Variants in NXN observed in about 807,000 individuals in gnomAD.
NXN encodes the protein nucleoredoxin.
A neutral mutation model predicts 48.6 loss-of-function variants in NXN; 16 were observed. That is an observed-to-expected ratio of 0.33 (90% CI 0.22 to 0.50). The LOEUF (loss-of-function observed/expected upper bound fraction) is 0.50, where lower values mean the gene tolerates loss of function less well. NXN is among the 20% of genes least tolerant of loss of function. NXN has a pLI of 0.98. For synonymous variants in NXN, 281 were observed against 269.6 expected (o/e 1.04, Z -0.41); for missense variants, 492 against 605.5 (o/e 0.81, Z 1.97).
chr17:843,110 C>T (rs1462073633), intron 1 of NXN, among the ~76,000 whole-genome samples: 6 of 152,102 alleles, frequency 3.9e-5, no homozygotes, highest in African/African-American at 1.4e-4. Flanking sequence ...CAATGAACAA[C>T]AACAAATAAC....
intron 1 of NXN, among the ~76,000 whole-genome samples, chr17:911,422 C>T (rs2068635556): frequency 6.8e-6 from 1 of 146,348 alleles, no homozygotes; most frequent in South Asian, 2.1e-4. Flanking sequence ...TTGCTGCAAG[C>T]TCCGCCTCCC....
rs532799062 is a variant in NXN at position 961,371 on chromosome 17, T to A, written c.360+17948A>T. 9.7e-4 allele frequency among the ~76,000 whole-genome samples: 144 copies of A among 149,186 alleles called. 2 individuals carry two copies. The East Asian group carries it at 0.02, about 21-fold the overall frequency. ...TTGCACTCCAGCCTGGGCGACAGAGTGAGACTCCGTCTCAAGAAAAAAAAA... is the reference window on the plus strand; with the variant it reads ...TTGCACTCCAGCCTGGGCGACAGAGAGAGACTCCGTCTCAAGAAAAAAAAA... On this transcript the variant is annotated intron_variant, in intron 1 of 7. Transcript: ENST00000336868.
At chr17:811,513 G>A (rs970629111) in intron 5 of NXN, among the ~76,000 whole-genome samples, 28 of 152,200 alleles carry the variant, frequency 1.8e-4, no homozygotes, top group Admixed American at 1.1e-3. Context: ...CGGGGTTGGG[G>A]GGGGGGCAGC....
rs1040266534 is a variant in NXN at position 920,634 on chromosome 17, C to T, written c.360+58685G>A. Among the ~76,000 whole-genome samples, 3 of 152,114 alleles carry T rather than the reference C, an allele frequency of 2.0e-5. No individual in the cohort carries two copies. Among genetic ancestry groups the T allele is most frequent in the Non-Finnish European group, 2.9e-5 (2 of 68,020 alleles). ...ATCAACTGTACCCTCACTGGCAGCA[C>T]CCAGGACGTTCTCAATGAGGTCTTC... On this transcript the variant is annotated intron_variant, in intron 1 of 7. Transcript: ENST00000336868. This position sits in a 1 kb window ranked among gnomAD's most constrained non-coding sequence, Gnocchi z 4.6.
chr17:970,260 C>A (rs757837213), intron 1 of NXN, among the ~76,000 whole-genome samples: 1 of 152,044 alleles, frequency 6.6e-6, no homozygotes, highest in Admixed American at 6.6e-5. Context: ...GAAGTTGGAA[C>A]GGCAGTTTCT....
chr17:979,281 G>GGGGGCGGGCAGGGGTAACGGGCGTGA (rs1386627254), intron 1 of NXN, 38 bp downstream of exon 1: 2 of 1,420,196 alleles, frequency 1.4e-6, no homozygotes, highest in Non-Finnish European at 1.9e-6. Flanking sequence ...AACGGGCGTG[G>GGGGGCGGGCAGGGGTAACGGGCGTGA]GGGGCGGGCA....
intron 1 of NXN, among the ~76,000 whole-genome samples, chr17:931,168 G>T (rs56272814): frequency 0.28 from 41,680 of 151,382 alleles, 6,772 homozygotes; most frequent in East Asian, 0.43. Flanking sequence ...ACGCCTGTAG[G>T]CCCAACGACA....
At chr17:967,663 C>G (rs1195085976) in intron 1 of NXN, among the ~76,000 whole-genome samples, 1 of 152,218 alleles carries the variant, frequency 6.6e-6, no homozygotes, top group East Asian at 1.9e-4. Context: ...TTAAGGGATA[C>G]AGCTACCAAA....
chr17:915,334 C>T (rs774658626), intron 1 of NXN, among the ~76,000 whole-genome samples: 22 of 152,022 alleles, frequency 1.4e-4, no homozygotes, highest in Non-Finnish European at 2.4e-4. Context: ...CACTCTGTCG[C>T]CCAGGCTGGA....
chr17:862,326 G>A (rs370743634), intron 1 of NXN, among the ~76,000 whole-genome samples: 15 of 152,152 alleles, frequency 9.9e-5, no homozygotes, highest in South Asian at 4.1e-4. Flanking sequence ...GATCAGCTTC[G>A]GCAACATAGT....
In NXN at chr17:849,299, G is replaced by A. The variant is rs190246935; in HGVS notation, c.361-23221C>T. On this transcript the variant is annotated intron_variant, in intron 1 of 7. Transcript: ENST00000336868. This position sits in a 1 kb window ranked among gnomAD's most constrained non-coding sequence, Gnocchi z 4.2. Reference sequence around the variant, plus strand: ...TGTAATCCCAGCACTTTGGGAGGCCGAGACAGGTGGGTCACCTGAGGTCAG... The same window carrying A: ...TGTAATCCCAGCACTTTGGGAGGCCAAGACAGGTGGGTCACCTGAGGTCAG... 1.6e-3 allele frequency among the ~76,000 whole-genome samples: 241 copies of A among 152,318 alleles called. 1 individual carries two copies. The highest frequency in any genetic ancestry group is 5.6e-3 in the African/African-American group (233 of 41,574).
intron 1 of NXN, among the ~76,000 whole-genome samples, chr17:972,472 GA>G (rs940661677): frequency 1.3e-5 from 2 of 151,232 alleles, no homozygotes; most frequent in African/African-American, 4.9e-5. Flanking sequence ...GACTCCATCT[GA>G]AAAAAAAGAA....
intron 1 of NXN, among the ~76,000 whole-genome samples, chr17:975,926 CA>C (rs1453629336): frequency 6.6e-6 from 1 of 152,190 alleles, no homozygotes; most frequent in African/African-American, 2.4e-5. Flanking sequence ...AATCATCTAC[CA>C]ACCTACTTAT....
rs55898033 is a variant in NXN at position 849,447 on chromosome 17, T to C, written c.361-23369A>G. ...ACTCAGGAGGCTGAGGCAGAAGAATTGCTTGAACCTGGGAGGCGGAGGTTG... is the reference window on the plus strand; with the variant it reads ...ACTCAGGAGGCTGAGGCAGAAGAATCGCTTGAACCTGGGAGGCGGAGGTTG... On this transcript the variant is annotated intron_variant, in intron 1 of 7. Transcript: ENST00000336868. This position sits in a 1 kb window ranked among gnomAD's most constrained non-coding sequence, Gnocchi z 4.2. Among the ~76,000 whole-genome samples the C allele has an allele frequency of 0.27, 40,831 of 151,746 alleles. 5,951 individuals are homozygous for C. The highest frequency in any genetic ancestry group is 0.38 in the African/African-American group (15,557 of 41,338).
intron 1 of NXN, chr17:880,185 CCCCGGAGACAACACCCA>C (rs2068268131): frequency 6.6e-6 from 1 of 152,134 alleles, no homozygotes; most frequent in Admixed American, 6.5e-5. Context: ...TGATCCTGGT[CCCCGGAGACAACACCCA>C]CCCTTGGGCG....
At chr17:915,445 A>G (rs1416810245) in intron 1 of NXN, among the ~76,000 whole-genome samples, 2 of 151,896 alleles carry the variant, frequency 1.3e-5, no homozygotes. Flanking sequence ...CATCACACCC[A>G]GCTAATTTTT....
chr17:889,809 G>A (rs572075815), intron 1 of NXN, among the ~76,000 whole-genome samples: 3 of 152,334 alleles, frequency 2.0e-5, no homozygotes, highest in Non-Finnish European at 4.4e-5. Context: ...CAGATTAATT[G>A]TTGGCTGTTG....
intron 1 of NXN, among the ~76,000 whole-genome samples, chr17:879,533 C>T (rs1030604211): frequency 6.6e-6 from 1 of 151,888 alleles, no homozygotes; most frequent in Non-Finnish European, 1.5e-5. Context: ...ATGATCCACC[C>T]GCCTCGGCCT....
intron 1 of NXN, among the ~76,000 whole-genome samples, chr17:867,273 G>A (rs1025745945): frequency 5.7e-5 from 3 of 53,012 alleles, no homozygotes; most frequent in African/African-American, 8.8e-5. Flanking sequence ...GCAAGTTCTC[G>A]GGGTTCTCCG....
Sources: gnomAD v4.1 joint callset for allele counts (sites outside exome capture counted in the v4.1 genomes callset) on GRCh38, gnomAD v4.1.1 for gene constraint, Gnocchi (gnomAD v3.1) non-coding constraint, MANE v1.5 for transcripts, NCBI Gene and HGNC (gene_info 2026-07-23, HGNC 2026-07-21) for gene names.